Variants in GABRG3 observed in about 807,000 individuals in gnomAD.
The protein encoded by GABRG3 is gamma-aminobutyric acid receptor subunit gamma-3.
In GABRG3, 25 loss-of-function variants were observed where a neutral mutation model predicts 48.8. The observed-to-expected ratio is 0.51, with a 90% CI of 0.37 to 0.72. The LOEUF is 0.72. GABRG3 is among the 30% of genes least tolerant of loss of function. The pLI, the probability that GABRG3 is intolerant of heterozygous loss-of-function variation, is 0.00. For synonymous variants in GABRG3, 227 were observed against 217.6 expected, an observed-to-expected ratio of 1.04 and a Z score of -0.38; for missense variants, 394 against 577.9, an observed-to-expected ratio of 0.68 and a Z score of 3.26.
chr15:27,289,577 C>G (rs1394536146), intron 3 of GABRG3, among the ~76,000 whole-genome samples: 1 of 152,178 alleles, frequency 6.6e-6, no homozygotes, highest in Non-Finnish European at 1.5e-5. Flanking sequence ...GAATCTAGGA[C>G]TGTACATAAG....
intron 3 of GABRG3, among the ~76,000 whole-genome samples, chr15:27,228,750 T>C (rs570347533): frequency 2.0e-5 from 3 of 152,374 alleles, no homozygotes; most frequent in African/African-American, 7.2e-5. Context: ...TTTTTACTGA[T>C]AGCCATTCTT....
intron 3 of GABRG3, among the ~76,000 whole-genome samples, chr15:27,114,812 T>G (rs78806214): frequency 6.6e-6 from 1 of 152,082 alleles, no homozygotes; most frequent in South Asian, 2.1e-4. Context: ...TTTTTTTTTT[T>G]CATTAAACCC....
At chr15:27,008,229 A>G (rs1365245309) in intron 2 of GABRG3, among the ~76,000 whole-genome samples, 4 of 152,236 alleles carry the variant, frequency 2.6e-5, no homozygotes, top group Non-Finnish European at 5.9e-5. Flanking sequence ...GTATTAACCT[A>G]CTCAAATGCA....
At chr15:27,053,999 C>T (rs949409368) in intron 3 of GABRG3, among the ~76,000 whole-genome samples, 2 of 152,074 alleles carry the variant, frequency 1.3e-5, no homozygotes, top group Non-Finnish European at 2.9e-5. Flanking sequence ...TGGCGGCTCA[C>T]GCCTCTAATC....
intron 2 of GABRG3, among the ~76,000 whole-genome samples, chr15:26,977,645 T>C (rs2140634964): frequency 6.6e-6 from 1 of 152,362 alleles, no homozygotes; most frequent in East Asian, 1.9e-4. Flanking sequence ...TTGTTACATG[T>C]GTCAGTAGTT....
intron 5 of GABRG3, among the ~76,000 whole-genome samples, chr15:27,440,122 C>T (rs1348675494): frequency 1.3e-5 from 2 of 152,158 alleles, no homozygotes; most frequent in Admixed American, 6.5e-5. Context: ...TTACAGGCAC[C>T]GGCCCTGCCA....
chr15:27,355,191 T>C (rs977786502), intron 5 of GABRG3, among the ~76,000 whole-genome samples: 1 of 152,336 alleles, frequency 6.6e-6, no homozygotes, highest in Middle Eastern at 3.4e-3. Flanking sequence ...TAGTGATCTT[T>C]AGTCTGTAAC....
At chr15:27,159,571 T>C (rs1177461477) in intron 3 of GABRG3, among the ~76,000 whole-genome samples, 1 of 152,146 alleles carries the variant, frequency 6.6e-6, no homozygotes, top group Non-Finnish European at 1.5e-5. Flanking sequence ...TTTTCCATCA[T>C]GTTCCTAGTA....
At chr15:27,501,134 G>A (rs970410764) in intron 6 of GABRG3, among the ~76,000 whole-genome samples, 2 of 151,986 alleles carry the variant, frequency 1.3e-5, no homozygotes, top group Middle Eastern at 3.2e-3. Flanking sequence ...TGTATTTTTA[G>A]TAGAGACAGG....
intron 2 of GABRG3, among the ~76,000 whole-genome samples, chr15:27,023,030 T>C (rs923007839): frequency 1.3e-5 from 2 of 152,230 alleles, no homozygotes; most frequent in South Asian, 2.1e-4. Flanking sequence ...GCACAACTTA[T>C]GAGTTTATGA....
At position 27,310,149 on chromosome 15, in the gene GABRG3, G is replaced by A. The variant is rs544167849; in HGVS notation, c.271-16660G>A. On this transcript the variant is annotated intron_variant, in intron 3 of 9. Coordinates refer to ENST00000615808, the MANE Select transcript of GABRG3 (RefSeq NM_033223.5). ...ACACACAGAAAAGTAGAAGGATGGA[G>A]AAGTGATCAGTGGTTGGCAGCAGTT... Among the ~76,000 whole-genome samples, 7 of 152,192 alleles carry A rather than the reference G, an allele frequency of 4.6e-5. No homozygotes were observed. In the South Asian group the frequency reaches 1.5e-3, roughly 32 times the overall value.
chr15:27,380,967 G>A (rs1272820191), intron 5 of GABRG3, among the ~76,000 whole-genome samples: 1 of 151,870 alleles, frequency 6.6e-6, no homozygotes, highest in Non-Finnish European at 1.5e-5. Context: ...GGGTTTCACC[G>A]TGTTAGCCAG....
intron 3 of GABRG3, among the ~76,000 whole-genome samples, chr15:27,142,489 A>G (rs1898122591): frequency 6.6e-6 from 1 of 152,150 alleles, no homozygotes; most frequent in South Asian, 2.1e-4. Context: ...ACTACCATGA[A>G]AACAGTATGG....
intron 3 of GABRG3, among the ~76,000 whole-genome samples, chr15:27,314,337 A>G (rs2140509779): frequency 6.6e-6 from 1 of 152,310 alleles, no homozygotes; most frequent in South Asian, 2.1e-4. Context: ...ATCATCAGGG[A>G]CATGCAAATC....
At chr15:27,142,288 G>A (rs1023781580) in intron 3 of GABRG3, among the ~76,000 whole-genome samples, 4 of 152,172 alleles carry the variant, frequency 2.6e-5, no homozygotes, top group African/African-American at 7.2e-5. Context: ...CAAGACTGGG[G>A]ATTTACAAAC....
intron 3 of GABRG3, among the ~76,000 whole-genome samples, chr15:27,245,669 C>G (rs563854344): frequency 9.4e-6 from 1 of 105,960 alleles, no homozygotes; most frequent in Non-Finnish European, 1.8e-5. Context: ...GTCAGGAGTT[C>G]GAAACCAGCC....
At chr15:27,182,165 G>A (rs958770127) in intron 3 of GABRG3, among the ~76,000 whole-genome samples, 1 of 152,104 alleles carries the variant, frequency 6.6e-6, no homozygotes, top group Non-Finnish European at 1.5e-5. Flanking sequence ...CAGCTCTGGG[G>A]ATAGTCCCTG....
intron 3 of GABRG3, among the ~76,000 whole-genome samples, chr15:27,144,775 A>G (rs1165337024): frequency 1.3e-5 from 2 of 152,234 alleles, no homozygotes; most frequent in East Asian, 3.8e-4. Flanking sequence ...GTGAATGTTA[A>G]TAAAGAATTG....
chr15:27,173,095 T>G lies in GABRG3; in HGVS notation c.270+146274T>G, dbSNP rs115883786. ...CAAACTTCACTCTGGGATTAGGAGG[T>G]CTACATCACATCAAATGGTTAGATT... On this transcript the variant is annotated intron_variant, in intron 3 of 9. Coordinates refer to ENST00000615808, the MANE Select transcript of GABRG3 (RefSeq NM_033223.5). Among the ~76,000 whole-genome samples, 1,172 of 152,194 alleles carry G rather than the reference T, an allele frequency of 7.7e-3. 9 individuals are homozygous for G. The highest frequency in any genetic ancestry group is 0.027 in the African/African-American group (1,110 of 41,526).
Sources: gnomAD v4.1 joint callset for allele counts (sites outside exome capture counted in the v4.1 genomes callset) on GRCh38, gnomAD v4.1.1 for gene constraint, MANE v1.5 for transcripts, NCBI Gene and HGNC (gene_info 2026-07-23, HGNC 2026-07-21) for gene names.